Variants in CAMTA1 observed in about 807,000 individuals in gnomAD.
The protein encoded by CAMTA1 is calmodulin binding transcription activator 1.
In CAMTA1, 27 loss-of-function variants were observed where a neutral mutation model predicts 170.9. That is an observed-to-expected ratio of 0.16 (90% CI 0.12 to 0.22). The LOEUF (loss-of-function observed/expected upper bound fraction) is 0.22. Among genes scored for constraint, CAMTA1 ranks in the 10% least tolerant of loss-of-function variants. The probability of loss-of-function intolerance (pLI) is 1.00; values close to 1 mark genes in which losing one functional copy is unlikely to be tolerated. For synonymous variants in CAMTA1, 833 were observed against 891.5 expected (o/e 0.93, Z 1.17); for missense variants, 1,619 against 2,217.2 (o/e 0.73, Z 5.42).
chr1:7,448,695 T>G (rs2092739332), intron 5 of CAMTA1, among the ~76,000 whole-genome samples: 1 of 152,210 alleles, frequency 6.6e-6, no homozygotes, highest in Admixed American at 6.5e-5. Flanking sequence ...GCTGCGTCCT[T>G]ACGTGGTAGA....
Position 7,456,045 on chromosome 1 carries a change from T to C in CAMTA1, c.439-11785T>C, listed in dbSNP as rs2092944341. On this transcript the variant is annotated intron_variant, in intron 5 of 22. Coordinates refer to ENST00000303635, the MANE Select transcript of CAMTA1 (RefSeq NM_015215.4). This position sits in a 1 kb window ranked among gnomAD's most constrained non-coding sequence, Gnocchi z 4.9. ...CCCTGCTGGCCTAACAGGCTGTTGA[T>C]AAGGAACACATCAGACCCAGAGCTA... is the stretch of plus-strand genomic sequence containing the variant. 6.6e-6 allele frequency among the ~76,000 whole-genome samples: 1 copy of C among 152,108 alleles called. No homozygotes were observed.
intron 3 of CAMTA1, among the ~76,000 whole-genome samples, chr1:7,082,440 A>AATAGATAGATAGATAGATAG (rs150422699): frequency 1.8e-4 from 26 of 142,316 alleles, no homozygotes; most frequent in East Asian, 8.4e-4. Flanking sequence ...TGCATCTCGA[A>AATAGATAGATAGATAGATAG]ATAGATAGAT....
rs543599237 is a variant in CAMTA1, at chr1:7,162,958, G to A, written c.302+71587G>A. Among the ~76,000 whole-genome samples the A allele has an allele frequency of 6.6e-5, 10 of 152,222 alleles. No homozygotes were observed. The South Asian group carries it at 1.9e-3, about 28-fold the overall frequency. The stretch of plus-strand genomic sequence containing the variant: ...AGTTTTGAACGTTTTGGCAGTTCCA[G>A]ATCTCTCCTGCCATGGAAAATAGAT... On this transcript the variant is annotated intron_variant, in intron 4 of 22. Transcript: ENST00000303635.
At chr1:7,342,163 G>T (rs2083881352) in intron 5 of CAMTA1, among the ~76,000 whole-genome samples, 2 of 152,206 alleles carry the variant, frequency 1.3e-5, no homozygotes, top group Admixed American at 1.3e-4. Context: ...CAATATCTGG[G>T]AGCGGTCCCA....
At chr1:7,069,598 C>G (rs998261392) in intron 3 of CAMTA1, among the ~76,000 whole-genome samples, 2 of 152,100 alleles carry the variant, frequency 1.3e-5, no homozygotes, top group African/African-American at 4.8e-5. Context: ...GTCTGTCTGC[C>G]TCTCCGTAGG....
chr1:7,225,795 G>A (rs1661594927), intron 4 of CAMTA1, among the ~76,000 whole-genome samples: 1 of 152,230 alleles, frequency 6.6e-6, no homozygotes, highest in Non-Finnish European at 1.5e-5. Flanking sequence ...CAGAAGTTCA[G>A]GGTCTAGTCT....
At chr1:6,785,731 G>A (rs1055128232) in intron 1 of CAMTA1, among the ~76,000 whole-genome samples, 156 bp downstream of exon 1, 5 of 137,028 alleles carry the variant, frequency 3.6e-5, no homozygotes, top group East Asian at 4.5e-4. Flanking sequence ...CCGGCGGGGT[G>A]GGGGGGCGGA....
intron 6 of CAMTA1, among the ~76,000 whole-genome samples, chr1:7,599,434 G>T (rs966068585): frequency 3.3e-5 from 5 of 152,130 alleles, no homozygotes; most frequent in African/African-American, 1.2e-4. Flanking sequence ...CTCTTTTCTT[G>T]TTCCATATGA....
intron 3 of CAMTA1, among the ~76,000 whole-genome samples, chr1:6,935,798 A>G (rs1685207622): frequency 6.6e-6 from 1 of 152,228 alleles, no homozygotes; most frequent in Non-Finnish European, 1.5e-5. Context: ...AGGCACGGAA[A>G]TCACTGTTAG....
chr1:7,722,032 G>T (rs540756142), intron 11 of CAMTA1, among the ~76,000 whole-genome samples: 1 of 152,348 alleles, frequency 6.6e-6, no homozygotes, highest in South Asian at 2.1e-4. Context: ...AAAGTGAGTT[G>T]TGTAAAATCC....
At chr1:6,906,849 T>C (rs1678610942) in intron 3 of CAMTA1, among the ~76,000 whole-genome samples, 1 of 152,250 alleles carries the variant, frequency 6.6e-6, no homozygotes, top group Non-Finnish European at 1.5e-5. Context: ...AGTTCAAGTT[T>C]CTAAAGTAAA....
At chr1:6,854,518 G>C (rs1661558295) in intron 3 of CAMTA1, among the ~76,000 whole-genome samples, 1 of 152,124 alleles carries the variant, frequency 6.6e-6, no homozygotes, top group Non-Finnish European at 1.5e-5. Context: ...TTGAAAATAA[G>C]ATACATTCAA....
At chr1:7,630,568 A>G (rs1407704567) in intron 6 of CAMTA1, among the ~76,000 whole-genome samples, 1 of 152,228 alleles carries the variant, frequency 6.6e-6, no homozygotes, top group Non-Finnish European at 1.5e-5. Flanking sequence ...AGGGTTTTTC[A>G]TCTTCAGACC....
At chr1:7,016,421 G>C (rs559289718) in intron 3 of CAMTA1, among the ~76,000 whole-genome samples, 2 of 152,294 alleles carry the variant, frequency 1.3e-5, no homozygotes, top group East Asian at 3.9e-4. Context: ...CTCAGCTGTC[G>C]AATGGGTGAA....
chr1:7,348,934 G>A (rs142417320), intron 5 of CAMTA1, among the ~76,000 whole-genome samples: 126 of 152,134 alleles, frequency 8.3e-4, no homozygotes, highest in African/African-American at 2.9e-3. Context: ...TCACCTTCTG[G>A]GTCTTCTTCG....
At chr1:7,272,985 A>G (rs1359110831) in intron 5 of CAMTA1, among the ~76,000 whole-genome samples, 5 of 152,236 alleles carry the variant, frequency 3.3e-5, no homozygotes, top group African/African-American at 9.6e-5. Flanking sequence ...TGAATAGCCA[A>G]TTAACACACG....
At chr1:7,161,237 T>G (rs970537246) in intron 4 of CAMTA1, among the ~76,000 whole-genome samples, 2 of 152,188 alleles carry the variant, frequency 1.3e-5, no homozygotes, top group African/African-American at 4.8e-5. Context: ...TCTGTGCCCT[T>G]TTCCTATGGG....
At position 6,990,243 on chromosome 1, in the gene CAMTA1, AC is replaced by A. The variant is rs1354106002; in HGVS notation, c.235-101060del. 9.8e-5 allele frequency among the ~76,000 whole-genome samples: 15 copies of A among 152,322 alleles called. No individual in the cohort carries two copies. The East Asian group carries it at 2.9e-3, about 29-fold the overall frequency. The stretch of plus-strand genomic sequence containing the variant: ...CTTTCTTGTTTTCTGTTAAATGCAA[AC>A]TATAAATTGTCCTTTAAATACTGCT... On this transcript the variant is annotated intron_variant, in intron 3 of 22. Coordinates refer to ENST00000303635, the MANE Select transcript of CAMTA1 (RefSeq NM_015215.4).
At chr1:7,399,481 G>C (rs1046161143) in intron 5 of CAMTA1, among the ~76,000 whole-genome samples, 8 of 152,108 alleles carry the variant, frequency 5.3e-5, no homozygotes, top group African/African-American at 1.2e-4. Flanking sequence ...ATGGACTAAG[G>C]CACCTTCATA....
Sources: gnomAD v4.1 joint callset for allele counts (sites outside exome capture counted in the v4.1 genomes callset) on GRCh38, gnomAD v4.1.1 for gene constraint, Gnocchi (gnomAD v3.1) non-coding constraint, MANE v1.5 for transcripts, NCBI Gene and HGNC (gene_info 2026-07-23, HGNC 2026-07-21) for gene names.